Variants in GPC5 observed in about 807,000 individuals in gnomAD.
The protein encoded by GPC5 is glypican-5.
In GPC5, 47 loss-of-function variants were observed where a neutral mutation model predicts 53.9. That is an observed-to-expected ratio of 0.87 (90% CI 0.69 to 1.11). The LOEUF is 1.11. Among genes scored for constraint, GPC5 ranks in the 50% most tolerant of loss-of-function variants. The probability of loss-of-function intolerance (pLI) is 0.00; values close to 1 mark genes in which losing one functional copy is unlikely to be tolerated. For missense variants in GPC5, 748 were observed against 713.1 expected, an observed-to-expected ratio of 1.05 and a Z score of -0.56; for synonymous variants, 286 against 263.3, an observed-to-expected ratio of 1.09 and a Z score of -0.84.
At chr13:92,047,436 A>ATG (rs1566411317) in intron 6 of GPC5, among the ~76,000 whole-genome samples, 1 of 95,896 alleles carries the variant, frequency 1.0e-5, no homozygotes, top group Non-Finnish European at 2.5e-5. Context: ...TAAACTATAT[A>ATG]TATATATTTT....
intron 7 of GPC5, among the ~76,000 whole-genome samples, chr13:92,456,713 GTCC>G (rs1184763295): frequency 6.6e-6 from 1 of 152,056 alleles, no homozygotes; most frequent in Non-Finnish European, 1.5e-5. Context: ...GAGGACTCTT[GTCC>G]TCCACTCTTG....
intron 6 of GPC5, among the ~76,000 whole-genome samples, chr13:91,927,861 G>A (rs1432668259): frequency 1.3e-5 from 2 of 152,056 alleles, no homozygotes; most frequent in African/African-American, 4.8e-5. Context: ...GGAGTCATTG[G>A]GAAAATGGAT....
In GPC5 at chr13:91,803,781, G is replaced by GACACACACACACAC. The variant is rs369314989; in HGVS notation, c.1280+47373_1280+47386dup. The stretch of plus-strand genomic sequence containing the variant: ...TATAACAGAGACAGACAGACAGACA[G>GACACACACACACAC]ACACACACACACACACACACACACA... On this transcript the variant is annotated intron_variant, in intron 5 of 7. Transcript: ENST00000377067. 1.3e-3 allele frequency among the ~76,000 whole-genome samples: 187 copies of GACACACACACACAC among 147,640 alleles called. 1 individual carries two copies. In the Middle Eastern group the frequency reaches 0.032, roughly 25 times the overall value.
At chr13:91,471,870 G>T (rs879746662) in intron 2 of GPC5, among the ~76,000 whole-genome samples, 2 of 152,108 alleles carry the variant, frequency 1.3e-5, no homozygotes, top group African/African-American at 2.4e-5. Context: ...AGTCTAGATA[G>T]ATTTAGTTCT....
rs561772127 is a variant in GPC5, at chr13:91,943,094, T to C, written c.1401+35037T>C. On this transcript the variant is annotated intron_variant, in intron 6 of 7. Coordinates refer to ENST00000377067, the MANE Select transcript of GPC5 (RefSeq NM_004466.6). ...CTTTAATCACCATTTGTTTTGTACT[T>C]GTACCATAATTACACATGTTGTAAT... Among the ~76,000 whole-genome samples the C allele has an allele frequency of 2.0e-5, 3 of 152,236 alleles. No homozygotes were observed. The South Asian group carries it at 6.2e-4, about 32-fold the overall frequency.
rs35762919 is a variant in GPC5 at position 92,109,061 on chromosome 13, G to GTTTT, written c.1402-35749_1402-35746dup. 1.2e-3 allele frequency among the ~76,000 whole-genome samples: 109 copies of GTTTT among 87,502 alleles called. 1 individual carries two copies. Among genetic ancestry groups the GTTTT allele is most frequent in the East Asian group, 1.5e-3 (4 of 2,622 alleles). 57.4% of individuals were successfully genotyped at this position (87,502 alleles called of 152,430 possible). A position where few individuals can be genotyped will look rare whatever the true frequency, so the allele number is the denominator to read the frequency against. On this transcript the variant is annotated intron_variant, in intron 6 of 7. Transcript: ENST00000377067. Reference sequence around the variant, plus strand: ...CTTCTATGTATGTATCAATATGTTGGTTTTTTTTTTTTTTTTTTTTTTTGA... The same window carrying GTTTT: ...CTTCTATGTATGTATCAATATGTTGGTTTTTTTTTTTTTTTTTTTTTTTTTTTGA...
intron 2 of GPC5, among the ~76,000 whole-genome samples, chr13:91,606,193 T>A (rs2139273897): frequency 6.6e-6 from 1 of 150,922 alleles, no homozygotes; most frequent in South Asian, 2.1e-4. Context: ...AAAGGCTTTT[T>A]CTGCATCTAT....
At chr13:92,070,754 T>C (rs1255224318) in intron 6 of GPC5, among the ~76,000 whole-genome samples, 1 of 152,212 alleles carries the variant, frequency 6.6e-6, no homozygotes, top group Non-Finnish European at 1.5e-5. Flanking sequence ...TCAAATACTT[T>C]TTCTCTGATA....
At chr13:92,818,169 CA>C (rs1877546108) in intron 7 of GPC5, among the ~76,000 whole-genome samples, 1 of 151,724 alleles carries the variant, frequency 6.6e-6, no homozygotes, top group Non-Finnish European at 1.5e-5. Context: ...CCCATCACTG[CA>C]CCTGGCTAAT....
chr13:92,742,935 A>C (rs1470754099), intron 7 of GPC5, among the ~76,000 whole-genome samples: 2 of 151,790 alleles, frequency 1.3e-5, no homozygotes, highest in African/African-American at 4.8e-5. Flanking sequence ...TGTTCCATTG[A>C]TCTATATCTC....
chr13:91,905,867 A>G (rs2138993976), intron 5 of GPC5, among the ~76,000 whole-genome samples: 1 of 152,258 alleles, frequency 6.6e-6, no homozygotes, highest in African/African-American at 2.4e-5. Flanking sequence ...CTCAGATGAT[A>G]GTATTTGTTT....
chr13:91,861,755 G>C (rs947834156), intron 5 of GPC5, among the ~76,000 whole-genome samples: 9 of 93,062 alleles, frequency 9.7e-5, no homozygotes, highest in African/African-American at 2.5e-4. Flanking sequence ...TCTGTTTCTT[G>C]TTTCTCTTCT....
chr13:92,774,329 G>A (rs929665113), intron 7 of GPC5, among the ~76,000 whole-genome samples: 5 of 152,040 alleles, frequency 3.3e-5, no homozygotes, highest in African/African-American at 1.2e-4. Flanking sequence ...TTTCATTCTT[G>A]CCTAACTTGT....
intron 6 of GPC5, among the ~76,000 whole-genome samples, chr13:92,054,109 A>G (rs969607938): frequency 1.3e-5 from 2 of 151,790 alleles, no homozygotes; most frequent in African/African-American, 2.4e-5. Flanking sequence ...GGAGAAGACA[A>G]TATAATAGAC....
At chr13:92,276,333 G>T (rs1438727873) in intron 7 of GPC5, among the ~76,000 whole-genome samples, 2 of 152,072 alleles carry the variant, frequency 1.3e-5, no homozygotes, top group African/African-American at 2.4e-5. Context: ...GATTTTCTCA[G>T]AATGGTTTGT....
chr13:92,728,084 G>C (rs1378251876), intron 7 of GPC5, among the ~76,000 whole-genome samples: 3 of 151,378 alleles, frequency 2.0e-5, no homozygotes, highest in Non-Finnish European at 4.4e-5. Flanking sequence ...TTCTAAGAAA[G>C]TACCATAGAA....
chr13:91,461,444 C>T (rs1881922869), intron 2 of GPC5, among the ~76,000 whole-genome samples: 2 of 152,018 alleles, frequency 1.3e-5, no homozygotes, highest in Admixed American at 1.3e-4. Flanking sequence ...TCAAGACTTG[C>T]CATCTGGGCC....
chr13:91,426,216 A>G (rs1879035453), intron 1 of GPC5, among the ~76,000 whole-genome samples: 1 of 151,892 alleles, frequency 6.6e-6, no homozygotes, highest in African/African-American at 2.4e-5. Flanking sequence ...ACAACGGGGA[A>G]AATGTCTCTA....
At chr13:91,533,836 A>G (rs1001002842) in intron 2 of GPC5, among the ~76,000 whole-genome samples, 10 of 152,330 alleles carry the variant, frequency 6.6e-5, no homozygotes, top group African/African-American at 2.4e-4. Context: ...AGAGCCATCT[A>G]CAACATACTC....
Sources: allele counts gnomAD v4.1 joint callset (sites outside exome capture counted in the v4.1 genomes callset), GRCh38; gene constraint gnomAD v4.1.1; transcripts MANE v1.5; gene names NCBI Gene and HGNC (gene_info 2026-07-23, HGNC 2026-07-21).